Variants in STAG1 observed in about 807,000 individuals in gnomAD.
STAG1 encodes the protein cohesin subunit SA-1.
In STAG1, 26 loss-of-function variants were observed where a neutral mutation model predicts 170.9. That is an observed-to-expected ratio of 0.15 (90% CI 0.11 to 0.21). The LOEUF is 0.21. STAG1 is among the 10% of genes least tolerant of loss of function. The probability of loss-of-function intolerance (pLI) is 1.00; values close to 1 mark genes in which losing one functional copy is unlikely to be tolerated. For missense variants in STAG1, 964 were observed against 1,509.5 expected (o/e 0.64, Z 5.99); for synonymous variants, 514 against 497.7 (o/e 1.03, Z -0.44).
intron 4 of STAG1, among the ~76,000 whole-genome samples, chr3:136,595,134 A>AT (rs35343857): frequency 1.3e-5 from 2 of 152,174 alleles, no homozygotes; most frequent in Non-Finnish European, 2.9e-5. Flanking sequence ...GATTACAGAA[A>AT]TTAACAAGCT....
At chr3:136,591,950 A>C (rs889109559) in intron 4 of STAG1, among the ~76,000 whole-genome samples, 1 of 152,284 alleles carries the variant, frequency 6.6e-6, no homozygotes, top group South Asian at 2.1e-4. Flanking sequence ...CCCTGGACCA[A>C]GAGTAAGAAA....
chr3:136,751,205 T>C (rs1935215862), intron 1 of STAG1, among the ~76,000 whole-genome samples: 1 of 149,668 alleles, frequency 6.7e-6, no homozygotes, highest in African/African-American at 2.5e-5. Flanking sequence ...TGTCTGTAAG[T>C]GTCCAAAACT....
intron 1 of STAG1, among the ~76,000 whole-genome samples, chr3:136,634,392 C>T (rs1940466575): frequency 6.6e-6 from 1 of 151,600 alleles, no homozygotes; most frequent in Non-Finnish European, 1.5e-5. Context: ...AACCAGGGCA[C>T]CATATAATGG....
intron 15 of STAG1, among the ~76,000 whole-genome samples, chr3:136,436,456 A>G (rs569424159): frequency 6.6e-6 from 1 of 151,740 alleles, no homozygotes; most frequent in Non-Finnish European, 1.5e-5. Context: ...TAATTTTTGT[A>G]CTTTTAGTAG....
At chr3:136,693,793 T>A (rs996523591) in intron 1 of STAG1, among the ~76,000 whole-genome samples, 5 of 151,952 alleles carry the variant, frequency 3.3e-5, no homozygotes, top group African/African-American at 4.8e-5. Context: ...GGTATCAAAT[T>A]CCCAGGCTCA....
chr3:136,736,830 T>C (rs1324237373), intron 1 of STAG1: 22 of 1,586,208 alleles, frequency 1.4e-5, no homozygotes, highest in Non-Finnish European at 1.9e-5. Flanking sequence ...CCTTCCTTCT[T>C]TGTTTTTTTC....
At chr3:136,711,134 G>T (rs752050770) in intron 1 of STAG1, among the ~76,000 whole-genome samples, 4 of 151,768 alleles carry the variant, frequency 2.6e-5, no homozygotes, top group Non-Finnish European at 2.9e-5. Context: ...CAAAAGATAT[G>T]CAAGACTTCT....
chr3:136,509,467 G>A (rs1933941615), intron 7 of STAG1, among the ~76,000 whole-genome samples: 3 of 152,034 alleles, frequency 2.0e-5, no homozygotes, highest in Admixed American at 1.3e-4. Flanking sequence ...TCTGCTGCAG[G>A]TATGGGAGAG....
intron 13 of STAG1, among the ~76,000 whole-genome samples, chr3:136,461,655 T>C (rs2089278082): frequency 6.6e-6 from 1 of 150,796 alleles, no homozygotes; most frequent in African/African-American, 2.4e-5. Context: ...GGGTAGAGTT[T>C]TGGGGCAAGA....
rs538666321 is a variant in STAG1 at position 136,464,113 on chromosome 3, G to C, written c.1313+768C>G. On this transcript the variant is annotated intron_variant, in intron 13 of 33. Transcript: ENST00000383202. ...TATATAAAACTTTCAGAATTACTATGAATTACTGATTAAAATAATCCTGAT... is the reference window on the plus strand; with the variant it reads ...TATATAAAACTTTCAGAATTACTATCAATTACTGATTAAAATAATCCTGAT... Among the ~76,000 whole-genome samples, 9 of 151,810 alleles carry C rather than the reference G, an allele frequency of 5.9e-5. No individual in the cohort carries two copies. In the South Asian group the frequency reaches 1.5e-3, roughly 25 times the overall value.
In STAG1 at chr3:136,470,925, T is replaced by C. The variant is rs1035481726; in HGVS notation, c.1205+1488A>G. On this transcript the variant is annotated intron_variant, in intron 12 of 33. Transcript: ENST00000383202. ...GCATGTTCTCACTCATAGGTGGGAA[T>C]TGAACAATGAGAACACTTGGACGCA... 6.9e-5 allele frequency among the ~76,000 whole-genome samples: 10 copies of C among 145,528 alleles called. No individual in the cohort carries two copies. In the East Asian group the frequency reaches 8.2e-4, roughly 12 times the overall value.
At chr3:136,749,328 G>A (rs1041560432) in intron 1 of STAG1, among the ~76,000 whole-genome samples, 7 of 152,156 alleles carry the variant, frequency 4.6e-5, no homozygotes, top group Non-Finnish European at 1.0e-4. Context: ...TAACAGCCAT[G>A]TTGTGAACTA....
intron 23 of STAG1, among the ~76,000 whole-genome samples, chr3:136,369,503 AT>A (rs1937209800): frequency 6.6e-6 from 1 of 152,162 alleles, no homozygotes. Flanking sequence ...AATATAACCT[AT>A]TTCTTTTACT....
intron 1 of STAG1, among the ~76,000 whole-genome samples, chr3:136,737,744 AG>A (rs1934422005): frequency 6.6e-6 from 1 of 152,200 alleles, no homozygotes; most frequent in Non-Finnish European, 1.5e-5. Flanking sequence ...AACATTCCAG[AG>A]GGAAGAAATA....
At chr3:136,353,602 T>A (rs1560052428) in intron 28 of STAG1, among the ~76,000 whole-genome samples, 1 of 152,164 alleles carries the variant, frequency 6.6e-6, no homozygotes, top group East Asian at 1.9e-4. Flanking sequence ...CAAACGAGAA[T>A]CTTACATCGC....
intron 22 of STAG1, among the ~76,000 whole-genome samples, chr3:136,390,654 A>C (rs1293178198): frequency 6.6e-6 from 1 of 152,222 alleles, no homozygotes; most frequent in Non-Finnish European, 1.5e-5. Flanking sequence ...ACATGCGACT[A>C]AAAATTTGTT....
intron 1 of STAG1, among the ~76,000 whole-genome samples, chr3:136,734,807 A>G (rs1352945286): frequency 1.3e-5 from 2 of 152,306 alleles, no homozygotes; most frequent in South Asian, 2.1e-4. Flanking sequence ...CACACATATA[A>G]TAAGTACTCA....
intron 4 of STAG1, among the ~76,000 whole-genome samples, chr3:136,579,599 T>C (rs989119340): frequency 2.0e-5 from 3 of 152,220 alleles, no homozygotes; most frequent in Non-Finnish European, 4.4e-5. Flanking sequence ...AGTTACTTTC[T>C]ACATGGGATT....
Position 136,418,603 on chromosome 3 carries a change from T to C in STAG1, c.2109-631A>G, listed in dbSNP as rs924210819. On this transcript the variant is annotated intron_variant, in intron 20 of 33. Coordinates refer to ENST00000383202, the MANE Select transcript of STAG1 (RefSeq NM_005862.3). ...ATGGTCAAGCTAAGCTTATATTCTA[T>C]TCCATATATGGATAAAATCCCTTTA... is the stretch of plus-strand genomic sequence containing the variant. 3.4e-4 allele frequency among the ~76,000 whole-genome samples: 51 copies of C among 151,846 alleles called. 1 individual carries two copies. Among genetic ancestry groups the C allele is most frequent in the Non-Finnish European group, 4.4e-5 (3 of 67,984 alleles).
Sources: allele counts gnomAD v4.1 joint callset (sites outside exome capture counted in the v4.1 genomes callset), GRCh38; gene constraint gnomAD v4.1.1; transcripts MANE v1.5; gene names NCBI Gene and HGNC (gene_info 2026-07-23, HGNC 2026-07-21).